TEAD1: variants seen among roughly 807,000 people sequenced by gnomAD.
TEAD1 encodes TEA domain transcription factor 1.
TEAD1 carries 9 observed loss-of-function variants against 54.9 expected under a neutral mutation model. The ratio of observed to expected loss-of-function variants is 0.16; its 90% CI spans 0.10 to 0.29. The LOEUF (loss-of-function observed/expected upper bound fraction) is 0.29. Among genes scored for constraint, TEAD1 ranks in the 10% least tolerant of loss-of-function variants. TEAD1 has a pLI of 1.00. For missense variants in TEAD1, 387 were observed against 535.9 expected (o/e 0.72, Z 2.74); for synonymous variants, 200 against 187.8 (o/e 1.07, Z -0.53).
chr11:12,718,596 T>G (rs913799156), intron 2 of TEAD1, among the ~76,000 whole-genome samples: 1 of 152,014 alleles, frequency 6.6e-6, no homozygotes, highest in South Asian at 2.1e-4. Context: ...TTTTTTTGGG[T>G]GAAATTATTG....
intron 6 of TEAD1, among the ~76,000 whole-genome samples, chr11:12,880,097 A>C (rs1255650528): frequency 6.6e-6 from 1 of 152,122 alleles, no homozygotes; most frequent in East Asian, 1.9e-4. Flanking sequence ...GAAGAGGGAG[A>C]AAATCAGAAG....
chr11:12,830,762 G>A (rs1440272), intron 3 of TEAD1, among the ~76,000 whole-genome samples: 80,004 of 149,048 alleles, frequency 0.54, 22,069 homozygotes, highest in East Asian at 0.74. Context: ...ACACATGCAC[G>A]CACACGCACA....
chr11:12,676,905 A>G (rs1943105341), intron 2 of TEAD1, among the ~76,000 whole-genome samples: 1 of 152,228 alleles, frequency 6.6e-6, no homozygotes, highest in Non-Finnish European at 1.5e-5. Context: ...TGATGGTATC[A>G]AAATGCCAAG....
chr11:12,814,216 C>G (rs1173943842), intron 3 of TEAD1, among the ~76,000 whole-genome samples: 1 of 152,186 alleles, frequency 6.6e-6, no homozygotes, highest in African/African-American at 2.4e-5. Context: ...AGGCCAGAGA[C>G]CACGCTCAGG....
At chr11:12,887,053 A>G (rs528185268) in intron 9 of TEAD1, among the ~76,000 whole-genome samples, 3 of 148,200 alleles carry the variant, frequency 2.0e-5, no homozygotes, top group Non-Finnish European at 4.4e-5. Context: ...ATGATTTAAT[A>G]TATGCAAATG....
chr11:12,734,797 A>G (rs1944494172), intron 2 of TEAD1, among the ~76,000 whole-genome samples: 1 of 152,228 alleles, frequency 6.6e-6, no homozygotes, highest in Non-Finnish European at 1.5e-5. Context: ...AGGTTTGTGT[A>G]ACTGTGCTCT....
chr11:12,856,703 G>A (rs1330427630), intron 3 of TEAD1, among the ~76,000 whole-genome samples: 1 of 152,148 alleles, frequency 6.6e-6, no homozygotes, highest in African/African-American at 2.4e-5. Flanking sequence ...GGAAGAACGG[G>A]GTGGAGAATC....
rs145927959 is a variant in TEAD1 at position 12,934,720 on chromosome 11, T to A, written c.1168-2389T>A. On this transcript the variant is annotated intron_variant, in intron 12 of 12. Transcript: ENST00000527636. ...GATTTATAAACAGAATGCTCAAGTC[T>A]GCACTTTCTACCTCAGAGGTTATCA... 5.7e-3 allele frequency among the ~76,000 whole-genome samples: 870 copies of A among 152,248 alleles called. 6 individuals are homozygous for A. Among genetic ancestry groups the A allele is most frequent in the Admixed American group, 0.014 (210 of 15,274 alleles).
At chr11:12,744,979 G>A (rs1233676203) in intron 2 of TEAD1, among the ~76,000 whole-genome samples, 1 of 152,116 alleles carries the variant, frequency 6.6e-6, no homozygotes, top group African/African-American at 2.4e-5. Context: ...CTGCTCTGCT[G>A]GCTAACCTTG....
intron 3 of TEAD1, chr11:12,828,350 T>TTC (rs1946699168): frequency 6.6e-6 from 1 of 152,180 alleles, no homozygotes; most frequent in African/African-American, 2.4e-5. Flanking sequence ...GTTCATATTG[T>TTC]TCTTTATGTA....
chr11:12,772,687 A>T (rs1452714733), intron 3 of TEAD1, among the ~76,000 whole-genome samples: 1 of 152,244 alleles, frequency 6.6e-6, no homozygotes, highest in Non-Finnish European at 1.5e-5. Flanking sequence ...GGGATCCTTT[A>T]TGCATGTTGC....
chr11:12,780,780 C>T (rs186442283), intron 3 of TEAD1, among the ~76,000 whole-genome samples: 182 of 152,304 alleles, frequency 1.2e-3, no homozygotes, highest in Non-Finnish European at 1.3e-3. Flanking sequence ...GCAGTACCTA[C>T]AAATTGATCT....
At chr11:12,844,751 G>T (rs879840827) in intron 3 of TEAD1, among the ~76,000 whole-genome samples, 1 of 152,022 alleles carries the variant, frequency 6.6e-6, no homozygotes, top group South Asian at 2.1e-4. Flanking sequence ...AAGCCAGCCG[G>T]CTGGCCCTTT....
At chr11:12,824,049 A>T (rs750850883) in intron 3 of TEAD1, among the ~76,000 whole-genome samples, 18 of 151,986 alleles carry the variant, frequency 1.2e-4, no homozygotes, top group Non-Finnish European at 1.8e-4. Flanking sequence ...AAGAATATGA[A>T]CTCTAGTTCT....
At chr11:12,881,613 G>A (rs1420124844) in intron 7 of TEAD1, among the ~76,000 whole-genome samples, 1 of 152,242 alleles carries the variant, frequency 6.6e-6, no homozygotes, top group African/African-American at 2.4e-5. Context: ...GTGACTGCTT[G>A]ACCTCAGAGG....
Position 12,937,326 on chromosome 11 carries a change from A to C in TEAD1, c.*104A>C. 26 of 999,094 alleles carry C rather than the reference A, an allele frequency of 2.6e-5. No individual in the cohort carries two copies. Among genetic ancestry groups the C allele is most frequent in the Non-Finnish European group, 4.0e-5 (26 of 648,860 alleles). 61.9% of individuals were successfully genotyped at this position (999,094 alleles called of 1,614,324 possible). A position where few individuals can be genotyped will look rare whatever the true frequency, so the allele number is the denominator to read the frequency against. The stretch of plus-strand genomic sequence containing the variant: ...AACGACTGACTGTAAACCTCACCAC[A>C]CAGGGTGGTGCCCTGGCCCCGAGGT... On this transcript the variant is annotated 3_prime_UTR_variant, in exon 13 of 13. Coordinates refer to ENST00000527636, the MANE Select transcript of TEAD1 (RefSeq NM_021961.6).
chr11:12,795,277 TA>T lies in TEAD1; in HGVS notation c.202+30845del, dbSNP rs1945891269. Among the ~76,000 whole-genome samples, 3 of 152,192 alleles carry T rather than the reference TA, an allele frequency of 2.0e-5. No homozygotes were observed. The South Asian group carries it at 6.2e-4, about 32-fold the overall frequency. On this transcript the variant is annotated intron_variant, in intron 3 of 12. Transcript: ENST00000527636. ...GGGTTGTCGTTGCATTATCTTCTTG[TA>T]AGGACAATTGTCATATTGAACTAAG... is the stretch of plus-strand genomic sequence containing the variant.
At chr11:12,916,774 G>T (rs1478410309) in intron 10 of TEAD1, among the ~76,000 whole-genome samples, 1 of 152,216 alleles carries the variant, frequency 6.6e-6, no homozygotes, top group Non-Finnish European at 1.5e-5. Context: ...ATGAGTGGAG[G>T]ACTGAACTTT....
At chr11:12,923,521 C>A (rs1948851950) in intron 10 of TEAD1, among the ~76,000 whole-genome samples, 1 of 152,168 alleles carries the variant, frequency 6.6e-6, no homozygotes, top group African/African-American at 2.4e-5. Context: ...TTTTTATCCG[C>A]AGCTCTGAGC....
Sources: gnomAD v4.1 joint callset for allele counts (sites outside exome capture counted in the v4.1 genomes callset) on GRCh38, gnomAD v4.1.1 for gene constraint, MANE v1.5 for transcripts, NCBI Gene and HGNC (gene_info 2026-07-23, HGNC 2026-07-21) for gene names.